RAB2A: variants seen among roughly 807,000 people sequenced by gnomAD.
RAB2A encodes the protein ras-related protein Rab-2A.
A neutral mutation model predicts 32.5 loss-of-function variants in RAB2A; 7 were observed. The ratio of observed to expected loss-of-function variants is 0.22; its 90% CI spans 0.12 to 0.40. The LOEUF is 0.40. RAB2A is among the 10% of genes least tolerant of loss of function. The pLI is 1.00. For missense variants in RAB2A, 108 were observed against 260.7 expected (o/e 0.41, Z 4.03); for synonymous variants, 79 against 85.2 (o/e 0.93, Z 0.40).
chr8:60,522,412 G>A (rs868549563), intron 1 of RAB2A, among the ~76,000 whole-genome samples: 2 of 152,188 alleles, frequency 1.3e-5, no homozygotes, highest in Admixed American at 6.5e-5. Flanking sequence ...ACACTTAACC[G>A]TTACTTCTGG....
At chr8:60,615,574 A>T (rs1804435810) in intron 6 of RAB2A, among the ~76,000 whole-genome samples, 1 of 152,200 alleles carries the variant, frequency 6.6e-6, no homozygotes, top group Admixed American at 6.5e-5. Flanking sequence ...TGTTATATAC[A>T]TACATATTTC....
chr8:60,606,103 T>C lies in RAB2A; in HGVS notation c.475-12477T>C. The stretch of plus-strand genomic sequence containing the variant: ...GGCGGAAGTTGCAGTGAGCTCAAAT[T>C]GCACCACTGCACTCCAGCCTGGGTG... On this transcript the variant is annotated intron_variant, in intron 6 of 7. Coordinates refer to ENST00000262646, the MANE Select transcript of RAB2A (RefSeq NM_002865.3). Among the ~76,000 whole-genome samples the C allele has an allele frequency of 1.3e-5, 2 of 151,980 alleles. 1 individual carries two copies. The highest frequency in any genetic ancestry group is 3.9e-4 in the East Asian group (2 of 5,180).
intron 1 of RAB2A, among the ~76,000 whole-genome samples, chr8:60,537,977 C>T (rs1001065999): frequency 1.3e-5 from 2 of 152,166 alleles, no homozygotes; most frequent in East Asian, 1.9e-4. Flanking sequence ...CATGCCTGGC[C>T]GTATAGCCCA....
At chr8:60,551,198 A>G (rs188591361) in intron 1 of RAB2A, among the ~76,000 whole-genome samples, 84 of 152,014 alleles carry the variant, frequency 5.5e-4, no homozygotes, top group Non-Finnish European at 1.0e-3. Context: ...AACTGATTCT[A>G]TTTCTCTCCC....
intron 3 of RAB2A, among the ~76,000 whole-genome samples, chr8:60,576,688 T>G (rs747731486): frequency 2.2e-4 from 34 of 152,246 alleles, no homozygotes; most frequent in Non-Finnish European, 4.7e-4. Context: ...TTTGTTTCAA[T>G]GCATCAGTAA....
rs982586495 is a variant in RAB2A at position 60,563,435 on chromosome 8, G to A, written c.118+4512G>A. Among the ~76,000 whole-genome samples, 6 of 152,316 alleles carry A rather than the reference G, an allele frequency of 3.9e-5. No individual in the cohort carries two copies. In the East Asian group the frequency reaches 9.6e-4, roughly 24 times the overall value. On this transcript the variant is annotated intron_variant, in intron 2 of 7. Coordinates refer to ENST00000262646, the MANE Select transcript of RAB2A (RefSeq NM_002865.3). ...CTGAATCATAATTTGCATTTTAACA[G>A]GATCGCCAAGTGATTCATATGGGCA...
chr8:60,549,447 G>A (rs1436832762), intron 1 of RAB2A, among the ~76,000 whole-genome samples: 2 of 151,860 alleles, frequency 1.3e-5, no homozygotes, highest in South Asian at 2.1e-4. Context: ...AGACCAGCCC[G>A]GCCAACACAG....
intron 3 of RAB2A, among the ~76,000 whole-genome samples, chr8:60,577,451 C>T (rs1803652752): frequency 6.6e-6 from 1 of 152,184 alleles, no homozygotes; most frequent in Admixed American, 6.5e-5. Flanking sequence ...CAGGATCCCA[C>T]AACTAACTAG....
intron 6 of RAB2A, among the ~76,000 whole-genome samples, chr8:60,593,319 A>C (rs1803971469): frequency 6.6e-6 from 1 of 152,210 alleles, no homozygotes; most frequent in Admixed American, 6.5e-5. Flanking sequence ...GAGGAATGAC[A>C]CAGTGATGAT....
intron 6 of RAB2A, among the ~76,000 whole-genome samples, chr8:60,595,848 A>G (rs186051347): frequency 3.4e-4 from 52 of 152,362 alleles, no homozygotes; most frequent in Middle Eastern, 3.4e-3. Context: ...ATAAACCTCA[A>G]TAGATTTTAA....
intron 6 of RAB2A, among the ~76,000 whole-genome samples, chr8:60,612,162 T>C (rs1374198789): frequency 6.6e-6 from 1 of 152,166 alleles, no homozygotes; most frequent in Non-Finnish European, 1.5e-5. Context: ...CAGTGTGTGA[T>C]GTTCCCCTCC....
chr8:60,615,440 A>G (rs1804433267), intron 6 of RAB2A, among the ~76,000 whole-genome samples: 2 of 152,196 alleles, frequency 1.3e-5, no homozygotes, highest in Non-Finnish European at 2.9e-5. Flanking sequence ...TGTACATTAT[A>G]TATATATGGA....
chr8:60,573,982 AAACT>A (rs1324951260), intron 3 of RAB2A, among the ~76,000 whole-genome samples: 1 of 152,252 alleles, frequency 6.6e-6, no homozygotes, highest in Admixed American at 6.5e-5. Context: ...TGATTTACGT[AAACT>A]AAGTTACTCT....
chr8:60,547,774 G>T (rs1201052530), intron 1 of RAB2A, among the ~76,000 whole-genome samples: 1 of 127,080 alleles, frequency 7.9e-6, no homozygotes, highest in Admixed American at 7.3e-5. Flanking sequence ...CCCAGCAGGG[G>T]CGGCCGGGCA....
intron 3 of RAB2A, among the ~76,000 whole-genome samples, chr8:60,580,416 A>G (rs957128392): frequency 2.8e-5 from 4 of 142,280 alleles, no homozygotes; most frequent in Non-Finnish European, 6.0e-5. Flanking sequence ...AAGCCATAAT[A>G]AAAAAAAAAA....
At chr8:60,591,263 T>C (rs957663466) in intron 5 of RAB2A, among the ~76,000 whole-genome samples, 3 of 151,858 alleles carry the variant, frequency 2.0e-5, no homozygotes, top group South Asian at 2.1e-4. Context: ...GCTTACACTT[T>C]CTCTCTCACT....
chr8:60,592,703 AT>A (rs1803962616), intron 6 of RAB2A, among the ~76,000 whole-genome samples: 2 of 152,242 alleles, frequency 1.3e-5, no homozygotes, highest in South Asian at 4.1e-4. Flanking sequence ...AACACAGTGT[AT>A]TCTTTTATGC....
chr8:60,537,935 C>G (rs567993327), intron 1 of RAB2A, among the ~76,000 whole-genome samples: 1 of 152,298 alleles, frequency 6.6e-6, no homozygotes, highest in Non-Finnish European at 1.5e-5. Flanking sequence ...CCACCTCAGC[C>G]TCCCAGTGCT....
intron 3 of RAB2A, among the ~76,000 whole-genome samples, chr8:60,582,969 A>T (rs1489355335): frequency 6.6e-6 from 1 of 151,788 alleles, no homozygotes; most frequent in Non-Finnish European, 1.5e-5. Flanking sequence ...TTTTTCACTC[A>T]ACAGGCTTTC....
Sources: gnomAD v4.1 joint callset for allele counts (sites outside exome capture counted in the v4.1 genomes callset) on GRCh38, gnomAD v4.1.1 for gene constraint, MANE v1.5 for transcripts, NCBI Gene and HGNC (gene_info 2026-07-23, HGNC 2026-07-21) for gene names.